Variants in ESRRG observed in about 807,000 individuals in gnomAD.
The protein encoded by ESRRG is estrogen related receptor gamma.
In ESRRG, 13 loss-of-function variants were observed where a neutral mutation model predicts 44.0. The ratio of observed to expected loss-of-function variants is 0.30; its 90% CI spans 0.19 to 0.47. The LOEUF (loss-of-function observed/expected upper bound fraction) is 0.47. ESRRG is among the 20% of genes least tolerant of loss of function. The pLI, the probability that ESRRG is intolerant of heterozygous loss-of-function variation, is 1.00. For synonymous variants in ESRRG, 215 were observed against 214.6 expected (o/e 1.00, Z -0.02); for missense variants, 395 against 580.6 (o/e 0.68, Z 3.29).
At chr1:216,676,465 A>G (rs2076126999) in intron 2 of ESRRG, among the ~76,000 whole-genome samples, 1 of 152,208 alleles carries the variant, frequency 6.6e-6, no homozygotes, top group African/African-American at 2.4e-5. Flanking sequence ...AGGAAAAAAG[A>G]AAGATGAGTA....
intron 2 of ESRRG, among the ~76,000 whole-genome samples, chr1:216,932,228 A>T (rs1366740391): frequency 6.6e-6 from 1 of 152,146 alleles, no homozygotes; most frequent in Non-Finnish European, 1.5e-5. Context: ...AGGTAAAAAT[A>T]AAATAAGGAA....
At chr1:216,644,603 C>T (rs936221024) in intron 3 of ESRRG, among the ~76,000 whole-genome samples, 2 of 151,346 alleles carry the variant, frequency 1.3e-5, no homozygotes, top group African/African-American at 2.4e-5. Context: ...TAATTTTTTA[C>T]TTTTTATTTT....
At chr1:216,670,279 G>C (rs1428115089) in intron 2 of ESRRG, among the ~76,000 whole-genome samples, 1 of 152,254 alleles carries the variant, frequency 6.6e-6, no homozygotes, top group East Asian at 1.9e-4. Flanking sequence ...TACACTGCCT[G>C]CTTCAGGAAG....
intron 1 of ESRRG, among the ~76,000 whole-genome samples, chr1:217,021,413 C>A (rs2080306557): frequency 6.6e-6 from 1 of 152,194 alleles, no homozygotes; most frequent in Admixed American, 6.5e-5. Context: ...AAGCCATGGA[C>A]TCTCGTTGAA....
chr1:216,588,031 G>A (rs952149668), intron 3 of ESRRG, among the ~76,000 whole-genome samples: 2 of 152,130 alleles, frequency 1.3e-5, no homozygotes, highest in Non-Finnish European at 2.9e-5. Flanking sequence ...AATATAAAAT[G>A]TATCACAGAT....
At chr1:217,041,419 A>G (rs1244452961) in intron 1 of ESRRG, among the ~76,000 whole-genome samples, 1 of 152,128 alleles carries the variant, frequency 6.6e-6, no homozygotes, top group Admixed American at 6.6e-5. Context: ...CTATAAACAC[A>G]CTCACACACA....
intron 2 of ESRRG, among the ~76,000 whole-genome samples, chr1:216,797,860 T>G (rs936602670): frequency 1.3e-5 from 2 of 152,168 alleles, no homozygotes; most frequent in Admixed American, 1.3e-4. Flanking sequence ...TATATTGTAC[T>G]TTTAGAAGGA....
At chr1:216,571,397 C>A (rs543350788) in intron 3 of ESRRG, among the ~76,000 whole-genome samples, 2 of 152,148 alleles carry the variant, frequency 1.3e-5, no homozygotes, top group East Asian at 3.9e-4. Flanking sequence ...GAACCAAGAT[C>A]GCACCATTGC....
At chr1:216,568,206 T>G in intron 3 of ESRRG, 108 bp from the exon 4 acceptor site, 1 of 792,668 alleles carries the variant, frequency 1.3e-6, no homozygotes, top group South Asian at 1.4e-5. Flanking sequence ...AACAGTAGAA[T>G]GCAGAATGGA....
chr1:216,672,379 C>T (rs1349874783), intron 2 of ESRRG, among the ~76,000 whole-genome samples: 2 of 152,140 alleles, frequency 1.3e-5, no homozygotes, highest in South Asian at 4.1e-4. Context: ...TTTCTATTTA[C>T]CTTTCATTGA....
chr1:217,076,189 G>A (rs912230209), intron 1 of ESRRG, among the ~76,000 whole-genome samples: 6 of 152,142 alleles, frequency 3.9e-5, no homozygotes, highest in Admixed American at 2.6e-4. Flanking sequence ...TGCTTAAAGT[G>A]CCTGTGGTTC....
chr1:216,579,227 G>A (rs150188760), intron 3 of ESRRG, among the ~76,000 whole-genome samples: 61 of 152,118 alleles, frequency 4.0e-4, no homozygotes, highest in African/African-American at 1.4e-3. Flanking sequence ...TTGGACATCT[G>A]GATTACAAGC....
At chr1:216,878,106 A>C (rs967366912) in intron 2 of ESRRG, among the ~76,000 whole-genome samples, 4 of 152,174 alleles carry the variant, frequency 2.6e-5, no homozygotes, top group Admixed American at 2.6e-4. Flanking sequence ...TTTTGCCAAC[A>C]TGGTGTTTTA....
intron 3 of ESRRG, among the ~76,000 whole-genome samples, chr1:216,646,136 C>T (rs961701250): frequency 6.6e-6 from 1 of 152,058 alleles, no homozygotes; most frequent in Admixed American, 6.5e-5. Context: ...AAAACCTCTG[C>T]TTGGGTTAAA....
intron 2 of ESRRG, among the ~76,000 whole-genome samples, chr1:216,860,019 T>G (rs745589652): frequency 3.0e-4 from 45 of 152,100 alleles, no homozygotes; most frequent in Non-Finnish European, 2.9e-4. Context: ...ATCCCAACAC[T>G]TTGGCAGGCC....
At chr1:216,754,052 C>T (rs1041347952) in intron 2 of ESRRG, among the ~76,000 whole-genome samples, 7 of 152,004 alleles carry the variant, frequency 4.6e-5, no homozygotes, top group Admixed American at 4.6e-4. Context: ...AGAAACCATG[C>T]TGATTTTACT....
exon 1 of ESRRG, chr1:217,089,547 C>T (rs1245862717): frequency 2.0e-5 from 3 of 152,190 alleles, no homozygotes; most frequent in African/African-American, 4.8e-5. Context: ...TCAGGTGAGT[C>T]GTCGGGGATT....
intron 3 of ESRRG, among the ~76,000 whole-genome samples, chr1:216,611,617 G>A (rs954216421): frequency 3.9e-5 from 6 of 152,096 alleles, no homozygotes; most frequent in Non-Finnish European, 8.8e-5. Flanking sequence ...TATGGGTTTT[G>A]GTCACAAAAC....
At chr1:217,119,005 G>GGATAGATA (rs55952668) in intron 1 of ESRRG, among the ~76,000 whole-genome samples, 41 of 137,486 alleles carry the variant, frequency 3.0e-4, no homozygotes, top group East Asian at 1.3e-3. Flanking sequence ...GAAACTAGAT[G>GGATAGATA]GATAGATAGA....
Sources: allele counts gnomAD v4.1 joint callset (sites outside exome capture counted in the v4.1 genomes callset), GRCh38; gene constraint gnomAD v4.1.1; transcripts MANE v1.5; gene names NCBI Gene and HGNC (gene_info 2026-07-23, HGNC 2026-07-21).